Variants in COL24A1 observed in about 807,000 individuals in gnomAD.
COL24A1 encodes the protein collagen type XXIV alpha 1 chain.
Under a neutral mutation model 253.9 loss-of-function variants are expected in COL24A1, and 224 were observed. That is an observed-to-expected ratio of 0.88 (90% CI 0.79 to 0.99). COL24A1 has a LOEUF of 0.99. COL24A1 is among the 50% of genes least tolerant of loss of function. COL24A1 has a pLI of 0.00. For missense variants in COL24A1, 2,131 were observed against 2,068.5 expected (o/e 1.03, Z -0.59); for synonymous variants, 685 against 673.7 (o/e 1.02, Z -0.26).
intron 2 of COL24A1, among the ~76,000 whole-genome samples, chr1:86,130,325 G>C (rs1286546643): frequency 6.6e-6 from 1 of 151,792 alleles, no homozygotes; most frequent in African/African-American, 2.4e-5. Context: ...TTCTTTGAAT[G>C]TATAAACTAA....
chr1:85,926,617 TGAG>T (rs1687263302), intron 24 of COL24A1, among the ~76,000 whole-genome samples: 3 of 148,412 alleles, frequency 2.0e-5, no homozygotes, highest in Non-Finnish European at 4.4e-5. Context: ...AATTGAACAA[TGAG>T]TACACTTGGA....
intron 55 of COL24A1, among the ~76,000 whole-genome samples, chr1:85,755,025 A>G (rs1365672397): frequency 6.6e-6 from 1 of 152,192 alleles, no homozygotes; most frequent in Non-Finnish European, 1.5e-5. Flanking sequence ...ATCTAATGCT[A>G]TAGACAAAGA....
intron 3 of COL24A1, among the ~76,000 whole-genome samples, chr1:86,118,522 C>A (rs1391327899): frequency 6.6e-6 from 1 of 152,174 alleles, no homozygotes; most frequent in Non-Finnish European, 1.5e-5. Context: ...GGAAATCCTG[C>A]ATCTTACATT....
intron 20 of COL24A1, among the ~76,000 whole-genome samples, chr1:85,973,973 TA>T (rs1413294458): frequency 6.6e-6 from 1 of 152,162 alleles, no homozygotes; most frequent in Non-Finnish European, 1.5e-5. Flanking sequence ...GACTTGAAGG[TA>T]AACTACATTG....
Position 85,911,441 on chromosome 1 carries a change from G to A in COL24A1, c.2563-8C>T, listed in dbSNP as rs775924667. ...AGGTAAGCCAACAGGTCCCTTTTAG[G>A]AAAAAAAAATAACAGAAAATACACA... is the stretch of plus-strand genomic sequence containing the variant. On this transcript the variant is annotated splice_region_variant and splice_polypyrimidine_tract_variant and intron_variant, in intron 24 of 59. Coordinates refer to ENST00000370571, the MANE Select transcript of COL24A1 (RefSeq NM_152890.7). 5.7e-6 allele frequency: 9 copies of A among 1,586,814 alleles called. No homozygotes were observed. The East Asian group carries it at 1.8e-4, about 32-fold the overall frequency.
intron 47 of COL24A1, among the ~76,000 whole-genome samples, chr1:85,794,228 T>C (rs967752733): frequency 2.6e-5 from 4 of 152,158 alleles, no homozygotes; most frequent in Non-Finnish European, 5.9e-5. Flanking sequence ...TTAAGATACC[T>C]CAAAATTGCA....
chr1:85,958,438 C>T (rs1313034458), intron 24 of COL24A1, among the ~76,000 whole-genome samples: 1 of 151,990 alleles, frequency 6.6e-6, no homozygotes, highest in Non-Finnish European at 1.5e-5. Flanking sequence ...GTCAAACCTC[C>T]AATAGACTGT....
intron 11 of COL24A1, among the ~76,000 whole-genome samples, chr1:86,049,648 T>C (rs1219434727): frequency 1.3e-5 from 2 of 152,166 alleles, no homozygotes; most frequent in Admixed American, 6.5e-5. Flanking sequence ...CTTTTTAGTA[T>C]AACAAACCAT....
At chr1:86,025,556 G>GA (rs1697955257) in intron 14 of COL24A1, among the ~76,000 whole-genome samples, 1 of 152,034 alleles carries the variant, frequency 6.6e-6, no homozygotes, top group African/African-American at 2.4e-5. Flanking sequence ...CAACTGCATG[G>GA]AAAAAATAAT....
chr1:85,855,699 A>G, intron 37 of COL24A1, among the ~76,000 whole-genome samples: 1 of 151,994 alleles, frequency 6.6e-6, no homozygotes, highest in East Asian at 1.9e-4. Context: ...TATCAGAATG[A>G]TGCTGGCCTC....
intron 20 of COL24A1, among the ~76,000 whole-genome samples, chr1:85,972,809 C>A (rs766776127): frequency 9.2e-4 from 139 of 151,676 alleles, no homozygotes; most frequent in Middle Eastern, 6.9e-3. Context: ...TTCAGTGGCA[C>A]TGCTGGGAAT....
chr1:86,001,170 T>A (rs1245442684), intron 19 of COL24A1, among the ~76,000 whole-genome samples: 1 of 152,220 alleles, frequency 6.6e-6, no homozygotes, highest in Admixed American at 6.5e-5. Flanking sequence ...GCAAGTATCA[T>A]CACTGTCACA....
rs552085329 is a variant in COL24A1 at position 86,002,210 on chromosome 1, G to C, written c.2311-14556C>G. 2.0e-5 allele frequency among the ~76,000 whole-genome samples: 3 copies of C among 152,278 alleles called. No individual in the cohort carries two copies. The South Asian group carries it at 6.2e-4, about 32-fold the overall frequency. On this transcript the variant is annotated intron_variant, in intron 19 of 59. Transcript: ENST00000370571. ...TGACTGTCAGTCACATTGTGTGTGG[G>C]GGGATGTCATAGATTAGTGCCACCA...
chr1:85,999,894 C>T (rs1695237028), intron 19 of COL24A1, among the ~76,000 whole-genome samples: 1 of 152,134 alleles, frequency 6.6e-6, no homozygotes, highest in Non-Finnish European at 1.5e-5. Flanking sequence ...GCCCACATTG[C>T]CTAACCACTG....
At chr1:86,068,492 C>G (rs1029004515) in intron 7 of COL24A1, among the ~76,000 whole-genome samples, 4 of 152,154 alleles carry the variant, frequency 2.6e-5, no homozygotes, top group Non-Finnish European at 5.9e-5. Context: ...AGCCTTACCA[C>G]CATGGGCTGA....
At chr1:85,773,537 T>C (rs1668206657) in intron 53 of COL24A1, among the ~76,000 whole-genome samples, 1 of 152,326 alleles carries the variant, frequency 6.6e-6, no homozygotes, top group South Asian at 2.1e-4. Flanking sequence ...GTGTCCTATC[T>C]TATTTCCTTG....
chr1:86,126,180 G>A lies in COL24A1; in HGVS notation c.156C>T (p.Gly52=). 6.2e-7 allele frequency: 1 copy of A among 1,602,822 alleles called. No homozygotes were observed. Among genetic ancestry groups the A allele is most frequent in the Non-Finnish European group, 8.5e-7 (1 of 1,178,592 alleles). The part of the protein sequence containing the change: ...IDILHQLGLG[G]KDVRHSSPAT... The stretch of plus-strand genomic sequence containing the variant: ...CTGGTGATGAGTGTCTTACGTCTTT[G>A]CCTCCAAGGCCTAGTTGATGAAGAA... Residue 52 remains glycine, a synonymous_variant, in exon 3 of 60, where the codon GGC becomes GGT. Coordinates refer to ENST00000370571, the MANE Select transcript of COL24A1 (RefSeq NM_152890.7).
At chr1:85,926,261 G>C (rs185792817) in intron 24 of COL24A1, among the ~76,000 whole-genome samples, 1 of 152,358 alleles carries the variant, frequency 6.6e-6, no homozygotes, top group Admixed American at 6.5e-5. Context: ...GTGGAAGACA[G>C]TGTGGCAATT....
chr1:86,125,146 AG>A lies in COL24A1; in HGVS notation c.1189del (p.Leu397PhefsTer32). 6.2e-7 allele frequency: 1 copy of A among 1,613,424 alleles called. No homozygotes were observed. The highest frequency in any genetic ancestry group is 1.3e-5 in the African/African-American group (1 of 75,002). ...LSLFKKMPSI[L>X]PQIKQDTITN... ...AATTGTATCTTGTTTAATTTGTGGA[AG>A]AATAGATGGCATCTTCTTAAACAGT... On this transcript the variant is annotated frameshift_variant, in exon 3 of 60. Transcript: ENST00000370571. LOFTEE classifies it high-confidence loss of function.
Sources: gnomAD v4.1 joint callset for allele counts (sites outside exome capture counted in the v4.1 genomes callset) on GRCh38, gnomAD v4.1.1 for gene constraint, MANE v1.5 for transcripts, NCBI Gene and HGNC (gene_info 2026-07-23, HGNC 2026-07-21) for gene names.